Variants in GALNT18 observed in about 807,000 individuals in gnomAD.
GALNT18 encodes polypeptide N-acetylgalactosaminyltransferase 18.
In GALNT18, 44 loss-of-function variants were observed where a neutral mutation model predicts 69.5. The observed-to-expected ratio is 0.63, with a 90% confidence interval of 0.50 to 0.81. GALNT18 has a LOEUF of 0.81. Ranked by LOEUF, GALNT18 falls within the 40% of genes least tolerant of loss-of-function variation. The pLI is 0.00. For synonymous variants in GALNT18, 364 were observed against 318.2 expected, an observed-to-expected ratio of 1.14 and a Z score of -1.53; for missense variants, 715 against 810.0, an observed-to-expected ratio of 0.88 and a Z score of 1.42.
chr11:11,567,816 T>C lies in GALNT18; in HGVS notation c.235+53543A>G, dbSNP rs149324467. Among the ~76,000 whole-genome samples the C allele has an allele frequency of 3.3e-3, 508 of 152,356 alleles. 4 individuals carry two copies. The highest frequency in any genetic ancestry group is 5.9e-3 in the Non-Finnish European group (401 of 68,018). On this transcript the variant is annotated intron_variant, in intron 1 of 10. Coordinates refer to ENST00000227756, the MANE Select transcript of GALNT18 (RefSeq NM_198516.3). The stretch of plus-strand genomic sequence containing the variant: ...AAAGTCTTTCTGTCTCCAAAGACTA[T>C]GTCCTAGGGAGATAAACATCCTATA...
rs1157382136 is a variant in GALNT18, at chr11:11,396,784, T to C, written c.596-17520A>G. On this transcript the variant is annotated intron_variant, in intron 3 of 10. Coordinates refer to ENST00000227756, the MANE Select transcript of GALNT18 (RefSeq NM_198516.3). The surrounding 1 kb of genome is among the most constrained non-coding windows in gnomAD (Gnocchi z 5.2). ...TGACCAGATGGAGGGAGAGAGAGGC[T>C]GTATTTCTGGCCCGCACTGCAGCAT... Among the ~76,000 whole-genome samples the C allele has an allele frequency of 1.3e-5, 2 of 152,112 alleles. No individual in the cohort carries two copies. The highest frequency in any genetic ancestry group is 6.5e-5 in the Admixed American group (1 of 15,274).
rs1173806433 is a variant in GALNT18 at position 11,601,246 on chromosome 11, C to G, written c.235+20113G>C. 6.6e-6 allele frequency among the ~76,000 whole-genome samples: 1 copy of G among 152,004 alleles called. No homozygotes were observed. Among genetic ancestry groups the G allele is most frequent in the Non-Finnish European group, 1.5e-5 (1 of 67,998 alleles). On this transcript the variant is annotated intron_variant, in intron 1 of 10. Transcript: ENST00000227756. This position sits in a 1 kb window ranked among gnomAD's most constrained non-coding sequence, Gnocchi z 4.0. ...TAGACACTTTGAATACTGATTAATC[C>G]CCCACCCAAGGACTTCTTGTTGTTG...
At chr11:11,279,580 C>G (rs953465138) in intron 10 of GALNT18, among the ~76,000 whole-genome samples, 1 of 132,532 alleles carries the variant, frequency 7.5e-6, no homozygotes, top group African/African-American at 2.6e-5. Flanking sequence ...TATATAGCAA[C>G]AAAAACTATA....
In GALNT18 at chr11:11,464,085, G is replaced by A. The variant is rs572896187; in HGVS notation, c.236-15149C>T. On this transcript the variant is annotated intron_variant, in intron 1 of 10. Coordinates refer to ENST00000227756, the MANE Select transcript of GALNT18 (RefSeq NM_198516.3). Reference sequence around the variant, plus strand: ...GCACGTCCAAGATGTAGTGAATGGGGTCCCAAGCTTATCTATCTCTGTCAG... The same window carrying A: ...GCACGTCCAAGATGTAGTGAATGGGATCCCAAGCTTATCTATCTCTGTCAG... Among the ~76,000 whole-genome samples, 54 of 152,268 alleles carry A rather than the reference G, an allele frequency of 3.5e-4. No homozygotes were observed. The South Asian group carries it at 7.9e-3, about 22-fold the overall frequency.
chr11:11,311,003 C>T (rs2133028985), intron 9 of GALNT18, among the ~76,000 whole-genome samples: 1 of 152,300 alleles, frequency 6.6e-6, no homozygotes, highest in South Asian at 2.1e-4. Flanking sequence ...TTTACTCTCC[C>T]GTCTCAGATT....
Position 11,465,321 on chromosome 11 carries a change from T to A in GALNT18, c.236-16385A>T, listed in dbSNP as rs1856133379. Reference sequence around the variant, plus strand: ...AGACTGGGGAGTTGGGTGGGCAGGGTCATCCATCACACTGTGTAGCCCAGG... The same window carrying A: ...AGACTGGGGAGTTGGGTGGGCAGGGACATCCATCACACTGTGTAGCCCAGG... On this transcript the variant is annotated intron_variant, in intron 1 of 10. Coordinates refer to ENST00000227756, the MANE Select transcript of GALNT18 (RefSeq NM_198516.3). This position sits in a 1 kb window ranked among gnomAD's most constrained non-coding sequence, Gnocchi z 5.7. Among the ~76,000 whole-genome samples, 1 of 152,040 alleles carries A rather than the reference T, an allele frequency of 6.6e-6. No homozygotes were observed. The highest frequency in any genetic ancestry group is 2.4e-5 in the African/African-American group (1 of 41,400).
intron 2 of GALNT18, among the ~76,000 whole-genome samples, chr11:11,440,714 G>A (rs969626266): frequency 6.6e-6 from 1 of 152,182 alleles, no homozygotes; most frequent in Non-Finnish European, 1.5e-5. Flanking sequence ...AGTCCTTCAG[G>A]TTGTTAAACT....
chr11:11,479,415 C>A (rs546909854), intron 1 of GALNT18, among the ~76,000 whole-genome samples: 9 of 152,182 alleles, frequency 5.9e-5, no homozygotes, highest in African/African-American at 2.2e-4. Flanking sequence ...GAAATCAATA[C>A]ATAATGTCTA....
In GALNT18 at chr11:11,377,277, C is replaced by A. The variant is rs116121337; in HGVS notation, c.882G>T (p.Pro294=). ...CCCAGTCAAAGCCCTGGGCAGCCAG[C>A]GGGTACTCTTCTATCTCAAAGTTGT... is the stretch of plus-strand genomic sequence containing the variant. ...KYDNFEIEEY[P]LAAQGFDWEL... Residue 294 remains proline (P), a synonymous_variant, in exon 5 of 11, where the codon CCG becomes CCT. Coordinates refer to ENST00000227756, the MANE Select transcript of GALNT18 (RefSeq NM_198516.3). This position sits in a 1 kb window ranked among gnomAD's most constrained non-coding sequence, Gnocchi z 4.6. 6.2e-7 allele frequency: 1 copy of A among 1,613,906 alleles called. No homozygotes were observed. The highest frequency in any genetic ancestry group is 1.3e-5 in the African/African-American group (1 of 74,976).
intron 3 of GALNT18, among the ~76,000 whole-genome samples, chr11:11,381,764 T>G (rs759761467): frequency 2.0e-5 from 3 of 152,146 alleles, no homozygotes; most frequent in Admixed American, 6.5e-5. Context: ...TCAGCCCCAG[T>G]CGGGCCACCA....
chr11:11,279,580 C>A (rs953465138), intron 10 of GALNT18, among the ~76,000 whole-genome samples: 1 of 132,532 alleles, frequency 7.5e-6, no homozygotes, highest in African/African-American at 2.6e-5. Flanking sequence ...TATATAGCAA[C>A]AAAAACTATA....
At chr11:11,566,280 A>C (rs918558846) in intron 1 of GALNT18, among the ~76,000 whole-genome samples, 1 of 152,218 alleles carries the variant, frequency 6.6e-6, no homozygotes, top group African/African-American at 2.4e-5. Flanking sequence ...GTGCAGAAGC[A>C]ACCAGAGACA....
At position 11,389,468 on chromosome 11, in the gene GALNT18, G is replaced by T. The variant is rs556565544; in HGVS notation, c.596-10204C>A. 6.6e-6 allele frequency among the ~76,000 whole-genome samples: 1 copy of T among 152,338 alleles called. No individual in the cohort carries two copies. The highest frequency in any genetic ancestry group is 2.1e-4 in the South Asian group (1 of 4,832). ...GGGGCTGTGTGAGGAGGAAAATCCTGTAAAGTAAAGGTGGGGCAATGGACC... is the reference window on the plus strand; with the variant it reads ...GGGGCTGTGTGAGGAGGAAAATCCTTTAAAGTAAAGGTGGGGCAATGGACC... On this transcript the variant is annotated intron_variant, in intron 3 of 10. Transcript: ENST00000227756. This position sits in a 1 kb window ranked among gnomAD's most constrained non-coding sequence, Gnocchi z 4.3.
intron 1 of GALNT18, among the ~76,000 whole-genome samples, chr11:11,594,923 GTATA>G (rs1197152383): frequency 2.5e-5 from 3 of 121,006 alleles, no homozygotes; most frequent in South Asian, 2.8e-4. Flanking sequence ...ATGCGTGTGT[GTATA>G]TATATATATA....
rs2133929319 is a variant in GALNT18 at position 11,591,878 on chromosome 11, A to G, written c.235+29481T>C. 6.6e-6 allele frequency among the ~76,000 whole-genome samples: 1 copy of G among 152,298 alleles called. No individual in the cohort carries two copies. ...ATGTTATGAAGATTTAAGGGTTTTG[A>G]GTTTGATGTAACACAGTCCTCAAGA... On this transcript the variant is annotated intron_variant, in intron 1 of 10. Coordinates refer to ENST00000227756, the MANE Select transcript of GALNT18 (RefSeq NM_198516.3). This position sits in a 1 kb window ranked among gnomAD's most constrained non-coding sequence, Gnocchi z 4.8.
intron 1 of GALNT18, among the ~76,000 whole-genome samples, chr11:11,522,462 A>C (rs1857421428): frequency 6.6e-6 from 1 of 152,096 alleles, no homozygotes; most frequent in South Asian, 2.1e-4. Flanking sequence ...TCTGACCCAA[A>C]GCCCTGCCAC....
At position 11,560,127 on chromosome 11, in the gene GALNT18, G is replaced by GATGGGGTGGAACAGA. The variant is rs1565012759; in HGVS notation, c.235+61231_235+61232insTCTGTTCCACCCCAT. On this transcript the variant is annotated intron_variant, in intron 1 of 10. Transcript: ENST00000227756. ...AATAGAATAAGATACAATGGGATGG[G>GATGGGGTGGAACAGA]ATGGGATAGAATAGAATGGGATATG... 1.4e-3 allele frequency among the ~76,000 whole-genome samples: 210 copies of GATGGGGTGGAACAGA among 151,244 alleles called. 8 individuals are homozygous for GATGGGGTGGAACAGA. Among genetic ancestry groups the GATGGGGTGGAACAGA allele is most frequent in the African/African-American group, 4.8e-3 (196 of 41,180 alleles).
chr11:11,468,941 T>G (rs1856214490), intron 1 of GALNT18, among the ~76,000 whole-genome samples: 1 of 152,084 alleles, frequency 6.6e-6, no homozygotes, highest in Non-Finnish European at 1.5e-5. Context: ...GTATTGCTGG[T>G]GGACCATCAT....
rs1286314923 is a variant in GALNT18 at position 11,590,636 on chromosome 11, GTGAAGATTGACT to G, written c.235+30711_235+30722del. On this transcript the variant is annotated intron_variant, in intron 1 of 10. Coordinates refer to ENST00000227756, the MANE Select transcript of GALNT18 (RefSeq NM_198516.3). This position sits in a 1 kb window ranked among gnomAD's most constrained non-coding sequence, Gnocchi z 4.4. ...TTACTGTCTGCTCAACAAGGATGCTGTGAAGATTGACTTGAATCTTGTACAGTCACCCACCGC... is the reference window on the plus strand; with the variant it reads ...TTACTGTCTGCTCAACAAGGATGCTGTGAATCTTGTACAGTCACCCACCGC... 6.6e-6 allele frequency among the ~76,000 whole-genome samples: 1 copy of G among 152,176 alleles called. No individual in the cohort carries two copies. Among genetic ancestry groups the G allele is most frequent in the East Asian group, 1.9e-4 (1 of 5,202 alleles).
Sources: allele counts gnomAD v4.1 joint callset (sites outside exome capture counted in the v4.1 genomes callset), GRCh38; gene constraint gnomAD v4.1.1; non-coding constraint Gnocchi (gnomAD v3.1); transcripts MANE v1.5; gene names NCBI Gene and HGNC (gene_info 2026-07-23, HGNC 2026-07-21).